EXOC1: variants seen among roughly 807,000 people sequenced by gnomAD.
EXOC1 encodes the protein exocyst complex component 1.
EXOC1 carries 67 observed loss-of-function variants against 107.7 expected under a neutral mutation model. The observed-to-expected ratio is 0.62, with a 90% CI of 0.51 to 0.76. The LOEUF is 0.76. Ranked by LOEUF, EXOC1 falls within the 30% of genes least tolerant of loss-of-function variation. EXOC1 has a pLI of 0.00. For synonymous variants in EXOC1, 348 were observed against 353.5 expected, an observed-to-expected ratio of 0.98 and a Z score of 0.17; for missense variants, 833 against 1,055.7, an observed-to-expected ratio of 0.79 and a Z score of 2.92.
intron 9 of EXOC1, among the ~76,000 whole-genome samples, chr4:55,882,302 G>A (rs1305274054): frequency 4.6e-5 from 7 of 151,914 alleles, no homozygotes; most frequent in Non-Finnish European, 5.9e-5. Context: ...CACCGCTCCC[G>A]GCTAATTTTG....
chr4:55,879,696 A>T lies in EXOC1; in HGVS notation c.1224+1630A>T, dbSNP rs180794832. On this transcript the variant is annotated intron_variant, in intron 9 of 18. Coordinates refer to ENST00000381295, the MANE Select transcript of EXOC1 (RefSeq NM_001024924.2). ...GGAATTGGACATCATATCCCTTTTTAAAAAAATAGAGCTAACGAATTCCCA... is the reference window on the plus strand; with the variant it reads ...GGAATTGGACATCATATCCCTTTTTTAAAAAATAGAGCTAACGAATTCCCA... Among the ~76,000 whole-genome samples, 604 of 152,204 alleles carry T rather than the reference A, an allele frequency of 4.0e-3. 5 individuals carry two copies. The highest frequency in any genetic ancestry group is 0.013 in the African/African-American group (555 of 41,538).
intron 15 of EXOC1, 33 bp downstream of exon 15, chr4:55,893,813 A>T (rs1170037968): frequency 1.8e-5 from 28 of 1,532,286 alleles, no homozygotes; most frequent in Non-Finnish European, 2.3e-5. Context: ...ATACCTTAGC[A>T]TCCTAGTCAT....
intron 14 of EXOC1, 40 bp from the exon 15 acceptor site, chr4:55,893,512 C>G: frequency 6.4e-7 from 1 of 1,558,268 alleles, no homozygotes; most frequent in Non-Finnish European, 8.8e-7. Flanking sequence ...TCACCTGAAG[C>G]TTGTTATAAC....
rs755677903 is a variant in EXOC1, at chr4:55,904,541, A to ACC, written c.*46_*47insCC. 6.5e-7 allele frequency: 1 copy of ACC among 1,539,054 alleles called. No homozygotes were observed. Among genetic ancestry groups the ACC allele is most frequent in the Non-Finnish European group, 8.8e-7 (1 of 1,140,160 alleles). ...ATAACTGAATGAAGCATTTGAGTAT[A>ACC]ACAGACACTATACCAAAATACCAAG... On this transcript the variant is annotated 3_prime_UTR_variant, in exon 19 of 19. Coordinates refer to ENST00000381295, the MANE Select transcript of EXOC1 (RefSeq NM_001024924.2).
intron 13 of EXOC1, among the ~76,000 whole-genome samples, chr4:55,891,660 A>C (rs1264510459): frequency 7.2e-5 from 11 of 152,214 alleles, no homozygotes; most frequent in Admixed American, 7.2e-4. Context: ...TACAAGCCTA[A>C]ATATTCTCTA....
chr4:55,870,715 T>A lies in EXOC1; in HGVS notation c.641T>A (p.Val214Asp). The A allele has an allele frequency of 2.5e-6, 4 of 1,613,844 alleles. No homozygotes were observed. The highest frequency in any genetic ancestry group is 3.4e-6 in the Non-Finnish European group (4 of 1,179,878). ...TCAATCATGGCATCTGAAAAACAAG[T>A]CAACATCCTGATGAAATTGCTAGAT... ...IQSIMASEKQVNILMKLLDEA... is the reference protein window; with the variant it reads ...IQSIMASEKQDNILMKLLDEA... The change falls in exon 6 of 19, where the codon GTC becomes GAC. Residue 214 changes from valine to aspartate, a missense_variant. Physicochemically the swap from Val to Asp is radical, Grantham distance 152. Around this residue, in one of 2 missense-constraint regions of EXOC1, gnomAD observed 617 missense variants for 701.3 expected, o/e 0.88. Transcript: ENST00000381295.
At chr4:55,892,036 A>T (rs1300225563) in intron 13 of EXOC1, among the ~76,000 whole-genome samples, 1 of 152,210 alleles carries the variant, frequency 6.6e-6, no homozygotes, top group East Asian at 1.9e-4. Context: ...AACAGTGCAA[A>T]TAAAGTGTTT....
At chr4:55,876,463 G>A (rs1722903386) in intron 8 of EXOC1, 1 of 641,210 alleles carries the variant, frequency 1.6e-6, no homozygotes, top group Non-Finnish European at 1.9e-6. Flanking sequence ...GTCACTCTAA[G>A]CACTATAAAT....
intron 13 of EXOC1, among the ~76,000 whole-genome samples, chr4:55,891,655 G>A (rs1468829452): frequency 2.0e-5 from 3 of 152,100 alleles, no homozygotes; most frequent in African/African-American, 7.2e-5. Context: ...AATATTACAA[G>A]CCTAAATATT....
intron 8 of EXOC1, chr4:55,876,547 G>C: frequency 6.2e-6 from 6 of 968,784 alleles, no homozygotes; most frequent in Non-Finnish European, 7.4e-6. Context: ...AGTTTTCAGA[G>C]CTTTTTGGCT....
At chr4:55,865,187 A>C (rs1721844192) in intron 4 of EXOC1, among the ~76,000 whole-genome samples, 1 of 152,232 alleles carries the variant, frequency 6.6e-6, no homozygotes, top group Admixed American at 6.5e-5. Context: ...GAAGATTATT[A>C]GAATATTTTT....
At chr4:55,886,411 G>A (rs139800673) in intron 10 of EXOC1, among the ~76,000 whole-genome samples, 22 of 151,788 alleles carry the variant, frequency 1.4e-4, no homozygotes, top group African/African-American at 5.3e-4. Context: ...AAATTAGCCA[G>A]GCATGGTGAC....
At chr4:55,880,192 T>G (rs567107576) in intron 9 of EXOC1, among the ~76,000 whole-genome samples, 3 of 152,246 alleles carry the variant, frequency 2.0e-5, no homozygotes, top group Admixed American at 2.0e-4. Flanking sequence ...TGAAGTGCCT[T>G]TGCCCATTTA....
At chr4:55,857,168 C>CTTTTTTTTTTTTTTTTTTTTTTTTTTT (rs71192052) in intron 1 of EXOC1, among the ~76,000 whole-genome samples, 5 of 65,764 alleles carry the variant, frequency 7.6e-5, no homozygotes, top group Admixed American at 2.4e-4. Flanking sequence ...TCCTTTTTTT[C>CTTTTTTTTTTTTTTTTTTTTTTTTTTT]TTTTTTTTTT....
At chr4:55,876,456 ACT>A (rs1722902883) in intron 8 of EXOC1, 1 of 625,122 alleles carries the variant, frequency 1.6e-6, no homozygotes, top group South Asian at 7.1e-5. Flanking sequence ...ATGAATAGTC[ACT>A]CTAAGCACTA....
At chr4:55,894,866 C>T (rs1725025019) in intron 15 of EXOC1, among the ~76,000 whole-genome samples, 1 of 152,082 alleles carries the variant, frequency 6.6e-6, no homozygotes, top group East Asian at 1.9e-4. Context: ...AGGTGATCTG[C>T]CCACCTCAGC....
Position 55,899,749 on chromosome 4 carries a change from C to T in EXOC1, c.2202C>T (p.His734=), listed in dbSNP as rs1206409612. ...ATGTGGTTATGATGGAAAACTTTCA[C>T]CATATTTTTGCAACTCTTTCTCGAT... ...PRDVVMMENF[H]HIFATLSRLK... The change falls in exon 17 of 19, where the codon CAC becomes CAT. Residue 734 remains histidine (H), a synonymous_variant. Transcript: ENST00000381295. The T allele has an allele frequency of 1.9e-6, 3 of 1,613,714 alleles. No homozygotes were observed. The highest frequency in any genetic ancestry group is 2.2e-5 in the East Asian group (1 of 44,822).
chr4:55,859,519 T>C (rs1478401354), intron 2 of EXOC1, among the ~76,000 whole-genome samples: 2 of 152,242 alleles, frequency 1.3e-5, no homozygotes, highest in African/African-American at 4.8e-5. Flanking sequence ...ATTCTAATTA[T>C]ATGTAGACTT....
chr4:55,881,871 G>A (rs1386642617), intron 9 of EXOC1, among the ~76,000 whole-genome samples: 1 of 152,096 alleles, frequency 6.6e-6, no homozygotes, highest in Non-Finnish European at 1.5e-5. Context: ...CTTTCACATT[G>A]TATAAAGAAA....
Sources: gnomAD v4.1 joint callset for allele counts (sites outside exome capture counted in the v4.1 genomes callset) on GRCh38, gnomAD v4.1.1 for gene constraint, gnomAD v4.1.1 regional missense constraint, MANE v1.5 for transcripts, NCBI Gene and HGNC (gene_info 2026-07-23, HGNC 2026-07-21) for gene names.